Variants in GLCCI1 observed in about 807,000 individuals in gnomAD.
GLCCI1 encodes the protein glucocorticoid induced 1, also known as glucocorticoid-induced transcript 1 protein.
A neutral mutation model predicts 52.2 loss-of-function variants in GLCCI1; 24 were observed. That is an observed-to-expected ratio of 0.46 (90% confidence interval 0.33 to 0.65). The LOEUF (loss-of-function observed/expected upper bound fraction) is 0.65. Among genes scored for constraint, GLCCI1 ranks in the 30% least tolerant of loss-of-function variants. GLCCI1 has a pLI of 0.02. For synonymous variants in GLCCI1, 310 were observed against 276.5 expected, an observed-to-expected ratio of 1.12 and a Z score of -1.20; for missense variants, 704 against 701.5, an observed-to-expected ratio of 1.00 and a Z score of -0.04.
chr7:7,970,020 C>G (rs953422460), intron 1 of GLCCI1: 1 of 442,118 alleles, frequency 2.3e-6, no homozygotes, highest in Admixed American at 5.8e-5. Context: ...CCCTCAGAGT[C>G]TCTCTTCCAT....
intron 6 of GLCCI1, among the ~76,000 whole-genome samples, chr7:8,078,910 A>G (rs1359445681): frequency 6.6e-6 from 1 of 152,258 alleles, no homozygotes; most frequent in Non-Finnish European, 1.5e-5. Context: ...GTTTCTGCCT[A>G]AAGACATTAT....
chr7:8,044,428 G>A (rs1782075281), intron 3 of GLCCI1, among the ~76,000 whole-genome samples: 1 of 151,404 alleles, frequency 6.6e-6, no homozygotes, highest in Non-Finnish European at 1.5e-5. Context: ...GAGTGAAGTG[G>A]TGTGATGTCG....
intron 5 of GLCCI1, among the ~76,000 whole-genome samples, chr7:8,061,300 C>A (rs1411980273): frequency 6.6e-6 from 1 of 152,046 alleles, no homozygotes; most frequent in Non-Finnish European, 1.5e-5. Context: ...CGGGGTTTTG[C>A]CATGTTAGCC....
chr7:7,978,656 T>C (rs1376125603), intron 1 of GLCCI1, among the ~76,000 whole-genome samples: 1 of 152,132 alleles, frequency 6.6e-6, no homozygotes, highest in Non-Finnish European at 1.5e-5. Context: ...TTATATAGAG[T>C]CTTTGTGATG....
intron 3 of GLCCI1, among the ~76,000 whole-genome samples, chr7:8,036,914 C>G (rs1242579817): frequency 2.0e-5 from 3 of 152,000 alleles, no homozygotes; most frequent in Non-Finnish European, 4.4e-5. Flanking sequence ...ACCTCCAAAC[C>G]TTGTCATAGG....
Position 8,022,532 on chromosome 7 carries a change from G to A in GLCCI1, c.659G>A (p.Arg220His). ...GGTGCAGAAAAGAGGTCACATCAGC[G>A]TTCTGCGTCATGGGGGAGTGCTGAT... Reference protein sequence around the residue: ...EEGAEKRSHQRSASWGSADQL... With the variant: ...EEGAEKRSHQHSASWGSADQL... Residue 220 changes from arginine (R) to histidine (H), a missense_variant, in exon 3 of 8, where the codon CGT becomes CAT. Arg to His is a conservative substitution (Grantham distance 29). Transcript: ENST00000223145. 8 of 1,585,600 alleles carry A rather than the reference G, an allele frequency of 5.0e-6. No individual in the cohort carries two copies. Among genetic ancestry groups the A allele is most frequent in the African/African-American group, 1.4e-5 (1 of 73,604 alleles).
intron 5 of GLCCI1, among the ~76,000 whole-genome samples, chr7:8,068,041 T>A (rs1782670769): frequency 6.6e-6 from 1 of 152,120 alleles, no homozygotes; most frequent in African/African-American, 2.4e-5. Context: ...CTTTGTTCAT[T>A]CTTTTTTATT....
chr7:8,083,775 G>A (rs1363080725), intron 6 of GLCCI1, among the ~76,000 whole-genome samples: 5 of 152,234 alleles, frequency 3.3e-5, no homozygotes, highest in African/African-American at 1.2e-4. Context: ...GCATAAATCT[G>A]CATTCACAAG....
chr7:8,075,646 A>T (rs17142716), intron 6 of GLCCI1, among the ~76,000 whole-genome samples: 2 of 152,258 alleles, frequency 1.3e-5, no homozygotes, highest in African/African-American at 4.8e-5. Flanking sequence ...GCTACTTATC[A>T]TTGATCTTTG....
chr7:8,070,885 C>T (rs746280093), intron 5 of GLCCI1, 36 bp from the exon 6 acceptor site: 3 of 1,551,732 alleles, frequency 1.9e-6, no homozygotes, highest in Non-Finnish European at 2.7e-6. Context: ...AATATATGCA[C>T]CAGCATTTGG....
chr7:8,057,692 C>T (rs554781023), intron 4 of GLCCI1, among the ~76,000 whole-genome samples: 1 of 152,230 alleles, frequency 6.6e-6, no homozygotes, highest in South Asian at 2.1e-4. Context: ...AAGTCTGAGG[C>T]ATTTGAAGTG....
intron 1 of GLCCI1, among the ~76,000 whole-genome samples, chr7:7,996,181 T>C (rs1271507025): frequency 6.6e-6 from 1 of 152,212 alleles, no homozygotes; most frequent in Non-Finnish European, 1.5e-5. Flanking sequence ...GTCAGTTATT[T>C]TAGTTGTTTT....
chr7:8,083,673 CTG>C (rs1489230079), intron 6 of GLCCI1, among the ~76,000 whole-genome samples: 4 of 152,010 alleles, frequency 2.6e-5, no homozygotes, highest in African/African-American at 9.7e-5. Flanking sequence ...GATAGAGAAA[CTG>C]TGTGGTTTTC....
intron 3 of GLCCI1, among the ~76,000 whole-genome samples, chr7:8,049,689 A>G (rs1244319797): frequency 6.6e-6 from 1 of 152,210 alleles, no homozygotes; most frequent in Non-Finnish European, 1.5e-5. Flanking sequence ...TATCTCCAGC[A>G]TCAAGAAAGG....
In GLCCI1 at chr7:8,053,380, G is replaced by T. The variant is rs1782309702; in HGVS notation, c.697-2053G>T. Among the ~76,000 whole-genome samples the T allele has an allele frequency of 4.0e-5, 6 of 148,716 alleles. 1 individual carries two copies. The South Asian group carries it at 1.3e-3, about 31-fold the overall frequency. ...GCACTGTCGCCCAGGTTGGAGTGCA[G>T]TGGTGGGATCTTGGCTCACTGCAAC... is the stretch of plus-strand genomic sequence containing the variant. On this transcript the variant is annotated intron_variant, in intron 3 of 7. Transcript: ENST00000223145.
At chr7:8,047,935 G>C (rs921957180) in intron 3 of GLCCI1, among the ~76,000 whole-genome samples, 1 of 152,122 alleles carries the variant, frequency 6.6e-6, no homozygotes, top group African/African-American at 2.4e-5. Flanking sequence ...CCTTCTCCCA[G>C]AGTGTACTGC....
intron 1 of GLCCI1, among the ~76,000 whole-genome samples, chr7:7,979,276 TAAA>T (rs147777396): frequency 6.6e-6 from 1 of 151,902 alleles, no homozygotes; most frequent in African/African-American, 2.4e-5. Context: ...TCTTAGTTTG[TAAA>T]AAAAACGCAT....
chr7:8,027,380 G>A (rs1781644915), intron 3 of GLCCI1, among the ~76,000 whole-genome samples: 1 of 151,976 alleles, frequency 6.6e-6, no homozygotes, highest in Non-Finnish European at 1.5e-5. Flanking sequence ...CCCAGCTACT[G>A]GGGAGGCTGA....
intron 1 of GLCCI1, among the ~76,000 whole-genome samples, chr7:7,979,496 T>C (rs998638394): frequency 1.3e-5 from 2 of 152,212 alleles, no homozygotes; most frequent in Non-Finnish European, 2.9e-5. Flanking sequence ...TTATGTGTAT[T>C]TTTCTTTCAT....
Sources: allele counts gnomAD v4.1 joint callset (sites outside exome capture counted in the v4.1 genomes callset), GRCh38; gene constraint gnomAD v4.1.1; transcripts MANE v1.5; gene names NCBI Gene and HGNC (gene_info 2026-07-23, HGNC 2026-07-21).